RARRES1: variants seen among roughly 807,000 people sequenced by gnomAD.
RARRES1 encodes retinoic acid receptor responder 1.
Under a neutral mutation model 30.6 loss-of-function variants are expected in RARRES1, and 34 were observed. The ratio of observed to expected loss-of-function variants is 1.11; its 90% CI spans 0.84 to 1.48. RARRES1 has a LOEUF of 1.48. Among genes scored for constraint, RARRES1 ranks in the 40% most tolerant of loss-of-function variants. The pLI, the probability that RARRES1 is intolerant of heterozygous loss-of-function variation, is 0.00. For synonymous variants in RARRES1, 153 were observed against 155.5 expected (o/e 0.98, Z 0.12); for missense variants, 373 against 386.5 (o/e 0.97, Z 0.29).
At chr3:158,729,744 G>A (rs1049357924) in intron 1 of RARRES1, among the ~76,000 whole-genome samples, 4 of 151,924 alleles carry the variant, frequency 2.6e-5, no homozygotes, top group East Asian at 2.0e-4. Context: ...GAGCCACCGC[G>A]CCCAGCCTAT....
chr3:158,714,727 A>G (rs1391742591), intron 1 of RARRES1, among the ~76,000 whole-genome samples: 6 of 152,134 alleles, frequency 3.9e-5, no homozygotes, highest in African/African-American at 1.4e-4. Flanking sequence ...TTTTTAAGAG[A>G]GCAAAATGAT....
intron 3 of RARRES1, among the ~76,000 whole-genome samples, chr3:158,709,096 C>T (rs1396618881): frequency 6.6e-6 from 1 of 152,168 alleles, no homozygotes; most frequent in South Asian, 2.1e-4. Context: ...GACAGCAAAA[C>T]TTACAAGTTT....
intron 1 of RARRES1, among the ~76,000 whole-genome samples, chr3:158,728,631 C>G (rs1576825556): frequency 6.7e-6 from 1 of 149,236 alleles, no homozygotes; most frequent in African/African-American, 2.5e-5. Flanking sequence ...TCAAGTGATT[C>G]TCATGCCTCA....
At chr3:158,714,360 G>A (rs1727248743) in intron 1 of RARRES1, among the ~76,000 whole-genome samples, 1 of 152,162 alleles carries the variant, frequency 6.6e-6, no homozygotes, top group South Asian at 2.1e-4. Context: ...GTGTAGGAAG[G>A]TGCTTGCTTG....
chr3:158,714,713 CT>C (rs1014115960), intron 1 of RARRES1, among the ~76,000 whole-genome samples: 1 of 151,796 alleles, frequency 6.6e-6, no homozygotes, highest in East Asian at 1.9e-4. Context: ...TGTTTGCCAT[CT>C]TTTTTTTAAG....
At chr3:158,712,692 C>T (rs978579593) in intron 2 of RARRES1, among the ~76,000 whole-genome samples, 1 of 152,134 alleles carries the variant, frequency 6.6e-6, no homozygotes, top group Non-Finnish European at 1.5e-5. Flanking sequence ...AGGTACTGCC[C>T]CCTTTCATTT....
intron 4 of RARRES1, among the ~76,000 whole-genome samples, chr3:158,699,753 A>G (rs1464410845): frequency 6.6e-6 from 1 of 152,166 alleles, no homozygotes; most frequent in Non-Finnish European, 1.5e-5. Flanking sequence ...TGTTCAAAGC[A>G]AACATCTGAG....
chr3:158,698,962 G>A (rs1456313444), intron 4 of RARRES1, among the ~76,000 whole-genome samples: 1 of 151,988 alleles, frequency 6.6e-6, no homozygotes, highest in African/African-American at 2.4e-5. Context: ...GCTTATGTAT[G>A]TGCTCACTTC....
intron 1 of RARRES1, among the ~76,000 whole-genome samples, chr3:158,729,706 C>T (rs979332562): frequency 2.0e-5 from 3 of 152,048 alleles, no homozygotes; most frequent in African/African-American, 7.2e-5. Context: ...CCCACCTCGG[C>T]CTCCCAAAGT....
chr3:158,702,566 C>T (rs994134531), intron 4 of RARRES1, among the ~76,000 whole-genome samples: 2 of 152,212 alleles, frequency 1.3e-5, no homozygotes, highest in Non-Finnish European at 2.9e-5. Context: ...TTTCTGTTAT[C>T]TCAATGTGTT....
intron 3 of RARRES1, among the ~76,000 whole-genome samples, chr3:158,707,898 G>A (rs1447395975): frequency 1.3e-5 from 2 of 152,132 alleles, no homozygotes; most frequent in Admixed American, 1.3e-4. Flanking sequence ...TTCATATTTG[G>A]AACTGAGGAT....
chr3:158,700,976 A>G (rs1185619037), intron 4 of RARRES1, among the ~76,000 whole-genome samples: 1 of 152,038 alleles, frequency 6.6e-6, no homozygotes. Flanking sequence ...TAGATTTGTT[A>G]GTAATAGAAG....
chr3:158,715,321 G>A (rs771175581), intron 1 of RARRES1, among the ~76,000 whole-genome samples: 12 of 152,216 alleles, frequency 7.9e-5, no homozygotes, highest in Non-Finnish European at 1.5e-4. Context: ...CGCAGCCTGC[G>A]GGAGGCTTTC....
At chr3:158,722,562 A>ATG (rs1335915892) in intron 1 of RARRES1, among the ~76,000 whole-genome samples, 2 of 152,152 alleles carry the variant, frequency 1.3e-5, no homozygotes, top group Non-Finnish European at 2.9e-5. Context: ...ATGGGTATTT[A>ATG]TGTATTCTAA....
rs370953407 is a variant in RARRES1, at chr3:158,727,637, G to A, written c.276+4503C>T. 4.6e-5 allele frequency among the ~76,000 whole-genome samples: 7 copies of A among 152,276 alleles called. No homozygotes were observed. In the South Asian group the frequency reaches 1.5e-3, roughly 32 times the overall value. ...GGCAAACATTGTGGGGATGATCCAGGAAACCCTGGGAAGCATAAGATCGCT... is the reference window on the plus strand; with the variant it reads ...GGCAAACATTGTGGGGATGATCCAGAAAACCCTGGGAAGCATAAGATCGCT... On this transcript the variant is annotated intron_variant, in intron 1 of 5. Coordinates refer to ENST00000237696, the MANE Select transcript of RARRES1 (RefSeq NM_206963.2).
At chr3:158,698,278 G>T (rs564138130) in intron 4 of RARRES1, 94 of 267,746 alleles carry the variant, frequency 3.5e-4, no homozygotes, top group African/African-American at 2.0e-3. Flanking sequence ...TATACCTCAA[G>T]CTGATATATT....
chr3:158,719,325 G>A (rs931097465), intron 1 of RARRES1, among the ~76,000 whole-genome samples: 3 of 145,888 alleles, frequency 2.1e-5, no homozygotes, highest in Non-Finnish European at 3.0e-5. Context: ...AGGCTGGAGT[G>A]CAATGGTGCA....
In RARRES1 at chr3:158,715,453, G is replaced by A. The variant is rs6770692; in HGVS notation, c.277-1594C>T. ...AGCTGGAGAAAAGGTGTCTGGGGAG[G>A]TGGGTGCAAGGGCATGGAAAGCCTC... On this transcript the variant is annotated intron_variant, in intron 1 of 5. Coordinates refer to ENST00000237696, the MANE Select transcript of RARRES1 (RefSeq NM_206963.2). 7.7e-3 allele frequency among the ~76,000 whole-genome samples: 1,171 copies of A among 152,274 alleles called. 24 individuals are homozygous for A. The highest frequency in any genetic ancestry group is 0.027 in the African/African-American group (1,136 of 41,550).
At chr3:158,707,039 C>A (rs113894627) in intron 3 of RARRES1, among the ~76,000 whole-genome samples, 6 of 152,102 alleles carry the variant, frequency 3.9e-5, no homozygotes, top group Admixed American at 1.3e-4. Flanking sequence ...TGTGGTGGCA[C>A]ACGCCTGTAA....
Sources: allele counts gnomAD v4.1 joint callset (sites outside exome capture counted in the v4.1 genomes callset), GRCh38; gene constraint gnomAD v4.1.1; transcripts MANE v1.5; gene names NCBI Gene and HGNC (gene_info 2026-07-23, HGNC 2026-07-21).